The following DHDDS variants were observed in gnomAD, a reference collection of about 807,000 sequenced individuals.
DHDDS encodes dehydrodolichyl diphosphate synthase complex subunit DHDDS.
A neutral mutation model predicts 46.2 loss-of-function variants in DHDDS; 16 were observed. That is an observed-to-expected ratio of 0.35 (90% confidence interval 0.23 to 0.53). The LOEUF (loss-of-function observed/expected upper bound fraction) is 0.53. Ranked by LOEUF, DHDDS falls within the 20% of genes least tolerant of loss-of-function variation. The pLI, the probability that DHDDS is intolerant of heterozygous loss-of-function variation, is 0.94. For synonymous variants in DHDDS, 151 were observed against 163.1 expected (o/e 0.93, Z 0.56); for missense variants, 340 against 423.7 (o/e 0.80, Z 1.73).
At chr1:26,467,135 A>T (rs1008674938) in intron 8 of DHDDS, 5 of 301,318 alleles carry the variant, frequency 1.7e-5, no homozygotes, top group Admixed American at 3.9e-5. Context: ...TTCATCAGCC[A>T]CACTTGCTTT....
intron 8 of DHDDS, among the ~76,000 whole-genome samples, chr1:26,465,194 C>T (rs2075470847): frequency 6.6e-6 from 1 of 152,158 alleles, no homozygotes; most frequent in Non-Finnish European, 1.5e-5. Context: ...TTCACCTCAT[C>T]TCCAAGGATG....
chr1:26,436,716 C>T (rs541921380), intron 2 of DHDDS, among the ~76,000 whole-genome samples: 7 of 152,020 alleles, frequency 4.6e-5, no homozygotes, highest in African/African-American at 1.7e-4. Context: ...AGCCACTGTG[C>T]CTGGCCTGAG....
intron 8 of DHDDS, among the ~76,000 whole-genome samples, chr1:26,461,778 A>G (rs898344884): frequency 7.2e-5 from 11 of 152,228 alleles, no homozygotes; most frequent in African/African-American, 2.4e-4. Flanking sequence ...ATCAAATCAC[A>G]AAGACTTGAT....
chr1:26,470,867 G>GGA lies in DHDDS; in HGVS notation c.*1736_*1737insGA, dbSNP rs1164968574. 2 of 152,770 alleles carry GGA rather than the reference G, an allele frequency of 1.3e-5. No homozygotes were observed. The highest frequency in any genetic ancestry group is 4.8e-5 in the African/African-American group (2 of 41,448). The allele number at this position is 152,770 out of a possible 1,614,324, so 9.5% of individuals were successfully genotyped here. On this transcript the variant is annotated 3_prime_UTR_variant, in exon 9 of 9. Transcript: ENST00000236342. The stretch of plus-strand genomic sequence containing the variant: ...CAATTAAGGCGGGAATGAGGGGCTG[G>GGA]AGGCAGCAAACGGAATCTGCCCTAT...
chr1:26,432,497 T>G, intron 1 of DHDDS, 121 bp downstream of exon 1: 1 of 237,976 alleles, frequency 4.2e-6, no homozygotes, highest in Non-Finnish European at 8.5e-6. Context: ...CGTGAAGTAC[T>G]AGGCGTGCGA....
chr1:26,453,862 C>G (rs1343890960), intron 6 of DHDDS, among the ~76,000 whole-genome samples: 5 of 152,226 alleles, frequency 3.3e-5, no homozygotes, highest in African/African-American at 1.2e-4. Context: ...CTTTAACTCA[C>G]CATTCCATTT....
chr1:26,447,473 G>A (rs2075280094), intron 5 of DHDDS, 86 bp from the exon 6 acceptor site: 1 of 1,058,892 alleles, frequency 9.4e-7, no homozygotes, highest in Non-Finnish European at 1.5e-6. Context: ...TCTAGGGAAA[G>A]GCTGGAAGGG....
At chr1:26,449,339 GATCT>G (rs1442239163) in intron 6 of DHDDS, among the ~76,000 whole-genome samples, 1 of 151,794 alleles carries the variant, frequency 6.6e-6, no homozygotes, top group Non-Finnish European at 1.5e-5. Flanking sequence ...AACCTCAAGT[GATCT>G]GTCTGCCTCA....
chr1:26,445,982 C>A (rs2075264134), intron 4 of DHDDS, among the ~76,000 whole-genome samples: 1 of 152,160 alleles, frequency 6.6e-6, no homozygotes, highest in Admixed American at 6.5e-5. Flanking sequence ...GAGATTGCGC[C>A]ACTGCACTCC....
rs140196387 is a variant in DHDDS, at chr1:26,432,488, G to C, written c.-56+112G>C. ...GGAATAATCAGGAGACCACTGAGGC[G>C]TGAAGTACTAGGCGTGCGATAACTG... On this transcript the variant is annotated intron_variant, in intron 1 of 8. Coordinates refer to ENST00000236342, the MANE Select transcript of DHDDS (RefSeq NM_205861.3). 225 of 206,894 alleles carry C rather than the reference G, an allele frequency of 1.1e-3. 1 individual carries two copies. The highest frequency in any genetic ancestry group is 4.8e-3 in the African/African-American group (206 of 43,182). The allele number at this position is 206,894 out of a possible 1,614,324, so 12.8% of individuals were successfully genotyped here.
At chr1:26,468,396 T>C (rs143276940) in intron 8 of DHDDS, among the ~76,000 whole-genome samples, 1,696 of 152,326 alleles carry the variant, frequency 0.011, 18 homozygotes, top group Non-Finnish European at 0.018. Context: ...AGGACCTTTC[T>C]TGCAGCGGAG....
At chr1:26,432,639 G>A (rs905281079) in intron 1 of DHDDS, 3 of 425,290 alleles carry the variant, frequency 7.1e-6, no homozygotes, top group Admixed American at 3.6e-5. Context: ...ATGTTCAGAA[G>A]AAGTCAGTGC....
At chr1:26,467,434 C>T (rs1420168618) in intron 8 of DHDDS, 1 of 446,792 alleles carries the variant, frequency 2.2e-6, no homozygotes, top group Non-Finnish European at 4.8e-6. Flanking sequence ...TTCTTGAATG[C>T]CTGGGATTAT....
chr1:26,455,073 T>C (rs1178085764), intron 6 of DHDDS: 8 of 880,812 alleles, frequency 9.1e-6, no homozygotes, highest in Middle Eastern at 3.3e-4. Context: ...CGTATATGCA[T>C]ACCCTTGATG....
Position 26,451,428 on chromosome 1 carries a change from GTGTGTGTGT to G in DHDDS, c.542+3769_542+3777del, listed in dbSNP as rs1385894482. On this transcript the variant is annotated intron_variant, in intron 6 of 8. Coordinates refer to ENST00000236342, the MANE Select transcript of DHDDS (RefSeq NM_205861.3). Reference sequence around the variant, plus strand: ...GATGTGTGTGTGTGTGTGTGTGTGTGTGTGTGTGTGTGTGTGTGTGTGTATTTTTGTTTT... The same window carrying G: ...GATGTGTGTGTGTGTGTGTGTGTGTGGTGTGTGTGTGTGTATTTTTGTTTT... 2.0e-5 allele frequency among the ~76,000 whole-genome samples: 3 copies of G among 150,362 alleles called. No individual in the cohort carries two copies. In the East Asian group the frequency reaches 5.8e-4, roughly 29 times the overall value.
chr1:26,438,197 C>G lies in DHDDS; in HGVS notation c.93C>G (p.Phe31Leu), dbSNP rs1281509733. 6.2e-7 allele frequency: 1 copy of G among 1,613,988 alleles called. No individual in the cohort carries two copies. The highest frequency in any genetic ancestry group is 8.5e-7 in the Non-Finnish European group (1 of 1,179,892). ...KAGPMPKHIA[F>L]IMDGNRRYAK... The stretch of plus-strand genomic sequence containing the variant: ...GCCCAATGCCGAAACACATTGCATT[C>G]ATAATGGACGGGAACCGTCGCTATG... Residue 31 changes from phenylalanine to leucine, a missense_variant, in exon 3 of 9, where the codon TTC becomes TTG. By Grantham distance (22) the Phe-to-Leu change is conservative. This residue lies in a region of DHDDS where 72 missense variants were observed against 123.5 expected (regional missense o/e 0.58). Transcript: ENST00000236342.
At chr1:26,468,372 T>A (rs1403721294) in intron 8 of DHDDS, among the ~76,000 whole-genome samples, 1 of 152,086 alleles carries the variant, frequency 6.6e-6, no homozygotes, top group Non-Finnish European at 1.5e-5. Context: ...AAGGGACATG[T>A]CCCCGACAAG....
Position 26,447,637 on chromosome 1 carries a change from G to C in DHDDS, c.519G>C (p.Val173=). ...SNAVREMAWG[V]EQGLLDPSDI... Reference sequence around the variant, plus strand: ...CTGTGAGAGAGATGGCCTGGGGGGTGGAGCAAGGCCTGTTGGATCCCAGGT... The same window carrying C: ...CTGTGAGAGAGATGGCCTGGGGGGTCGAGCAAGGCCTGTTGGATCCCAGGT... The change falls in exon 6 of 9, where the codon GTG becomes GTC. Residue 173 remains valine, a synonymous_variant. Transcript: ENST00000236342. 6.2e-7 allele frequency: 1 copy of C among 1,614,124 alleles called. No homozygotes were observed. The highest frequency in any genetic ancestry group is 8.5e-7 in the Non-Finnish European group (1 of 1,179,992).
In DHDDS at chr1:26,457,852, A is replaced by T; in HGVS notation, c.604A>T (p.Ile202Phe). ...TACCAACCGCTCTCCTCATCCTGACATCTTGATACGGACTTCTGGAGAAGT... is the reference window on the plus strand; with the variant it reads ...TACCAACCGCTCTCCTCATCCTGACTTCTTGATACGGACTTCTGGAGAAGT... ...LYTNRSPHPD[I>F]LIRTSGEVRL... Residue 202 changes from isoleucine (I) to phenylalanine (F), a missense_variant, in exon 7 of 9, where the codon ATC (isoleucine) becomes TTC (phenylalanine). Around this residue, in one of 2 missense-constraint regions of DHDDS, gnomAD observed 268 missense variants for 300.3 expected, o/e 0.89. Transcript: ENST00000236342. 1 of 1,614,028 alleles carries T rather than the reference A, an allele frequency of 6.2e-7. No individual in the cohort carries two copies.
Sources: allele counts gnomAD v4.1 joint callset (sites outside exome capture counted in the v4.1 genomes callset), GRCh38; gene constraint gnomAD v4.1.1; regional missense constraint gnomAD v4.1.1; transcripts MANE v1.5; gene names NCBI Gene and HGNC (gene_info 2026-07-23, HGNC 2026-07-21).